The following PCDH10 variants were observed in gnomAD, a reference collection of about 807,000 sequenced individuals.
PCDH10 encodes protocadherin-10.
PCDH10 carries 15 observed loss-of-function variants against 74.4 expected under a neutral mutation model. That is an observed-to-expected ratio of 0.20 (90% CI 0.13 to 0.31). PCDH10 has a LOEUF of 0.31. PCDH10 is among the 10% of genes least tolerant of loss of function. The probability of loss-of-function intolerance (pLI) is 1.00; values close to 1 mark genes in which losing one functional copy is unlikely to be tolerated. For missense variants in PCDH10, 1,260 were observed against 1,390.2 expected, an observed-to-expected ratio of 0.91 and a Z score of 1.49; for synonymous variants, 619 against 589.8, an observed-to-expected ratio of 1.05 and a Z score of -0.72.
rs756657017 is a variant in PCDH10, at chr4:133,151,660, T to C, written c.1520T>C (p.Ile507Thr). Reference sequence around the variant, plus strand: ...GCCTACTCTATCCTCGAGTGCCAGATCCAGGGCATGAGCGTCTTCACCTAC... The same window carrying C: ...GCCTACTCTATCCTCGAGTGCCAGACCCAGGGCATGAGCGTCTTCACCTAC... ...QLAYSILECQ[I>T]QGMSVFTYVS... The change falls in exon 1 of 5, where the codon ATC becomes ACC. Residue 507 changes from isoleucine to threonine, a missense_variant. Ile to Thr is a moderately conservative substitution (Grantham distance 89, BLOSUM62 -1). Transcript: ENST00000264360. 2.5e-6 allele frequency: 4 copies of C among 1,613,606 alleles called. No individual in the cohort carries two copies. The highest frequency in any genetic ancestry group is 3.4e-6 in the Non-Finnish European group (4 of 1,180,052).
chr4:133,168,671 T>C (rs1305105442), intron 4 of PCDH10, among the ~76,000 whole-genome samples: 3 of 151,632 alleles, frequency 2.0e-5, no homozygotes, highest in African/African-American at 7.2e-5. Flanking sequence ...TTCTTCCCAA[T>C]ACAATTACTC....
rs1422696126 is a variant in PCDH10 at position 133,192,137 on chromosome 4, T to C, written c.*1977T>C. Reference sequence around the variant, plus strand: ...TAATGTTCCAGCCTTTTGAAGTCTCTTTAAACATATATGAAGCTAACAGAT... The same window carrying C: ...TAATGTTCCAGCCTTTTGAAGTCTCCTTAAACATATATGAAGCTAACAGAT... On this transcript the variant is annotated 3_prime_UTR_variant, in exon 5 of 5. Coordinates refer to ENST00000264360, the MANE Select transcript of PCDH10 (RefSeq NM_032961.3). 1 of 151,634 alleles carries C rather than the reference T, an allele frequency of 6.6e-6. No individual in the cohort carries two copies. The highest frequency in any genetic ancestry group is 1.5e-5 in the Non-Finnish European group (1 of 67,650). 9.4% of individuals were successfully genotyped at this position (151,634 alleles called of 1,614,324 possible).
rs1318280658 is a variant in PCDH10 at position 133,152,158 on chromosome 4, C to G, written c.2018C>G (p.Thr673Ser). The G allele has an allele frequency of 6.4e-7, 1 of 1,568,498 alleles. No homozygotes were observed. The highest frequency in any genetic ancestry group is 1.2e-5 in the South Asian group (1 of 82,986). Residue 673 changes from threonine to serine, a missense_variant, in exon 1 of 5, where the codon ACC becomes AGC. Around this residue, in one of 11 missense-constraint regions of PCDH10, gnomAD observed 587 missense variants for 616.9 expected, o/e 0.95. Transcript: ENST00000264360. ...CAGCCGCCCCTTTCCTCCACCGCCACCCTGGTGGTTCAGCTGGTGGATGGC... is the reference window on the plus strand; with the variant it reads ...CAGCCGCCCCTTTCCTCCACCGCCAGCCTGGTGGTTCAGCTGGTGGATGGC... ...HGQPPLSSTA[T>S]LVVQLVDGAV... is the part of the protein sequence containing the mutation.
At chr4:133,201,193 C>G (rs1396017245) in intron 2 of PCDH10, among the ~76,000 whole-genome samples, 1 of 152,094 alleles carries the variant, frequency 6.6e-6, no homozygotes, top group East Asian at 1.9e-4. Flanking sequence ...ATCATTTCAC[C>G]TAATAATTCC....
At chr4:133,208,417 T>C (rs5016598) in exon 3 of PCDH10, 141,490 of 152,226 alleles carry the variant, frequency 0.93, 65,760 homozygotes, top group Middle Eastern at 0.95. Flanking sequence ...TATTGATTTT[T>C]CTGGTGTGAT....
At chr4:133,188,890 G>T (rs1381299994) in intron 4 of PCDH10, among the ~76,000 whole-genome samples, 1 of 151,690 alleles carries the variant, frequency 6.6e-6, no homozygotes, top group African/African-American at 2.4e-5. Flanking sequence ...GGCCAGGCTG[G>T]TTTCAAACTC....
intron 4 of PCDH10, among the ~76,000 whole-genome samples, chr4:133,174,479 A>G (rs1727254434): frequency 6.6e-6 from 1 of 151,864 alleles, no homozygotes; most frequent in African/African-American, 2.4e-5. Context: ...CTGAGTGTCC[A>G]TTTTATAGGC....
In PCDH10 at chr4:133,163,002, T is replaced by C; in HGVS notation, c.2823T>C (p.Thr941=). 6.2e-7 allele frequency: 1 copy of C among 1,613,308 alleles called. No homozygotes were observed. The highest frequency in any genetic ancestry group is 2.2e-5 in the East Asian group (1 of 44,820). ...SAGMDLFSNC[T]EECKALGHSD... ...GTATGGATCTCTTCTCCAATTGCAC[T>C]GAGGAATGTAAAGCTCTGGGCCACT... Residue 941 remains threonine (T), a synonymous_variant, in exon 4 of 5, where the codon ACT becomes ACC. Transcript: ENST00000264360.
rs1274225573 is a variant in PCDH10 at position 133,162,600 on chromosome 4, CTTG to C, written c.2798-371_2798-369del. 5.9e-5 allele frequency among the ~76,000 whole-genome samples: 9 copies of C among 152,028 alleles called. No individual in the cohort carries two copies. In the East Asian group the frequency reaches 1.2e-3, roughly 20 times the overall value. ...ATCATGGATTTTAAAGCTTTTACAC[CTTG>C]TTGTTTTATCTGTTATGAACTTCAC... On this transcript the variant is annotated intron_variant, in intron 3 of 4. Transcript: ENST00000264360.
chr4:133,208,184 A>T (rs1284501633), exon 3 of PCDH10: 1 of 152,210 alleles, frequency 6.6e-6, no homozygotes, highest in Admixed American at 6.5e-5. Context: ...GAGCATTCAG[A>T]TGAGACCACA....
chr4:133,151,385 C>T lies in PCDH10; in HGVS notation c.1245C>T (p.Ile415=), dbSNP rs144097082. Residue 415 remains isoleucine (I), a synonymous_variant, in exon 1 of 5, where the codon ATC becomes ATT. Coordinates refer to ENST00000264360, the MANE Select transcript of PCDH10 (RefSeq NM_032961.3). ...LKSSFKNYYT[I]VTEAPLDREA... ...CTTCCTTTAAGAATTACTACACCAT[C>T]GTTACCGAAGCCCCCCTGGACCGAG... 3 of 1,614,020 alleles carry T rather than the reference C, an allele frequency of 1.9e-6. No individual in the cohort carries two copies. The highest frequency in any genetic ancestry group is 2.7e-5 in the African/African-American group (2 of 74,922).
rs1384688664 is a variant in PCDH10, at chr4:133,191,369, T to C, written c.*1209T>C. 6.6e-6 allele frequency: 1 copy of C among 152,214 alleles called. No individual in the cohort carries two copies. Among genetic ancestry groups the C allele is most frequent in the African/African-American group, 2.4e-5 (1 of 41,426 alleles). The allele number at this position is 152,214 out of a possible 1,614,324, so 9.4% of individuals were successfully genotyped here. A position where few individuals can be genotyped will look rare whatever the true frequency, so the allele number is the denominator to read the frequency against. On this transcript the variant is annotated 3_prime_UTR_variant, in exon 5 of 5. Coordinates refer to ENST00000264360, the MANE Select transcript of PCDH10 (RefSeq NM_032961.3). ...AACATCTGAACTGGTAAAGAATAAC[T>C]ATAAAATATGAAAGCTCTAAATTTA...
At chr4:133,180,689 TTGTAATAC>T (rs1333570630) in intron 4 of PCDH10, among the ~76,000 whole-genome samples, 1 of 151,988 alleles carries the variant, frequency 6.6e-6, no homozygotes, top group Non-Finnish European at 1.5e-5. Context: ...TTTAAATTTA[TTGTAATAC>T]TTTGCATAGA....
chr4:133,174,840 A>G (rs1215638809), intron 4 of PCDH10, among the ~76,000 whole-genome samples: 2 of 151,568 alleles, frequency 1.3e-5, no homozygotes, highest in Admixed American at 6.6e-5. Context: ...ATTAACTCCT[A>G]TGGAAATTAT....
At chr4:133,153,071 A>G in intron 1 of PCDH10, 1 of 1,357,660 alleles carries the variant, frequency 7.4e-7, no homozygotes, top group East Asian at 2.8e-5. Context: ...TAACCTGGGC[A>G]TGAAGGGAAA....
At chr4:133,199,128 T>C (rs947664740), downstream of PCDH10, among the ~76,000 whole-genome samples, 2 of 151,066 alleles carry the variant, frequency 1.3e-5, no homozygotes, top group Non-Finnish European at 2.9e-5. Context: ...CAAAAAAAAT[T>C]TTTAAAAAAT....
rs1456479103 is a variant in PCDH10, at chr4:133,150,516, G to T, written c.376G>T (p.Asp126Tyr). 2 of 1,613,784 alleles carry T rather than the reference G, an allele frequency of 1.2e-6. No homozygotes were observed. The highest frequency in any genetic ancestry group is 1.7e-6 in the Non-Finnish European group (2 of 1,179,950). ...NDNPPSFPEP[D>Y]LTVEISESAT... is the part of the protein sequence containing the mutation. The stretch of plus-strand genomic sequence containing the variant: ...CAACCCCCCCTCTTTCCCGGAGCCA[G>T]ACCTGACGGTGGAAATCTCTGAGAG... Residue 126 changes from aspartate to tyrosine, a missense_variant, in exon 1 of 5, where the codon GAC becomes TAC. Physicochemically the swap from Asp to Tyr is radical, Grantham distance 160 (BLOSUM62 -3). Around this residue, in one of 11 missense-constraint regions of PCDH10, gnomAD observed 63 missense variants for 100.7 expected, o/e 0.63. Coordinates refer to ENST00000264360, the MANE Select transcript of PCDH10 (RefSeq NM_032961.3).
At chr4:133,167,463 T>C (rs1727110376) in intron 4 of PCDH10, among the ~76,000 whole-genome samples, 1 of 151,580 alleles carries the variant, frequency 6.6e-6, no homozygotes, top group South Asian at 2.1e-4. Flanking sequence ...TATAGTGTTT[T>C]CTCTAGGATT....
In PCDH10 at chr4:133,164,183, T is replaced by A; in HGVS notation, c.3103+901T>A. On this transcript the variant is annotated intron_variant, in intron 4 of 4. Coordinates refer to ENST00000264360, the MANE Select transcript of PCDH10 (RefSeq NM_032961.3). ...AATCATTTGTTTTGCTTTATTTTTTTAAAGTTATACAAAGAGAGAACAAAT... is the reference window on the plus strand; with the variant it reads ...AATCATTTGTTTTGCTTTATTTTTTAAAAGTTATACAAAGAGAGAACAAAT... 6.2e-6 allele frequency: 2 copies of A among 324,118 alleles called. 1 individual carries two copies. The highest frequency in any genetic ancestry group is 1.2e-5 in the Non-Finnish European group (2 of 168,330). 20.1% of individuals were successfully genotyped at this position (324,118 alleles called of 1,614,324 possible). A position where few individuals can be genotyped will look rare whatever the true frequency, so the allele number is the denominator to read the frequency against.
Sources: gnomAD v4.1 joint callset for allele counts (sites outside exome capture counted in the v4.1 genomes callset) on GRCh38, gnomAD v4.1.1 for gene constraint, gnomAD v4.1.1 regional missense constraint, MANE v1.5 for transcripts, NCBI Gene and HGNC (gene_info 2026-07-23, HGNC 2026-07-21) for gene names.